The following PARVA variants were observed in gnomAD, a reference collection of about 807,000 sequenced individuals.
The protein encoded by PARVA is alpha-parvin.
Under a neutral mutation model 52.6 loss-of-function variants are expected in PARVA, and 25 were observed. The ratio of observed to expected loss-of-function variants is 0.48; its 90% CI spans 0.35 to 0.66. The LOEUF is 0.66. Among genes scored for constraint, PARVA ranks in the 30% least tolerant of loss-of-function variants. The pLI is 0.01. For missense variants in PARVA, 373 were observed against 450.9 expected (o/e 0.83, Z 1.56); for synonymous variants, 185 against 179.1 (o/e 1.03, Z -0.26).
At chr11:12,516,385 A>C (rs1351152264) in intron 10 of PARVA, among the ~76,000 whole-genome samples, 1 of 152,114 alleles carries the variant, frequency 6.6e-6, no homozygotes, top group Non-Finnish European at 1.5e-5. Flanking sequence ...TGTCTTTGCT[A>C]GGCCATCCCC....
In PARVA at chr11:12,382,050, C is replaced by T. The variant is rs564992123; in HGVS notation, c.136+4267C>T. ...ATTTACTGGAGAGATGAACTGTTCA[C>T]GTGGAGATGATTAGCGTCACAAGGT... is the stretch of plus-strand genomic sequence containing the variant. On this transcript the variant is annotated intron_variant, in intron 1 of 12. Coordinates refer to ENST00000334956, the MANE Select transcript of PARVA (RefSeq NM_018222.5). 2.9e-4 allele frequency among the ~76,000 whole-genome samples: 44 copies of T among 152,324 alleles called. 1 individual carries two copies. The highest frequency in any genetic ancestry group is 3.9e-4 in the Admixed American group (6 of 15,302).
intron 4 of PARVA, chr11:12,478,433 AG>A: frequency 4.0e-6 from 1 of 251,926 alleles, no homozygotes; most frequent in Non-Finnish European, 7.8e-6. Flanking sequence ...TGAAAATGTA[AG>A]GACAATGGGG....
chr11:12,390,351 G>A (rs1423750100), intron 1 of PARVA, among the ~76,000 whole-genome samples: 1 of 152,196 alleles, frequency 6.6e-6, no homozygotes, highest in Non-Finnish European at 1.5e-5. Flanking sequence ...TAATCACCAT[G>A]TTTAGGAAGC....
chr11:12,384,332 T>C (rs909359429), intron 1 of PARVA, among the ~76,000 whole-genome samples: 2 of 152,188 alleles, frequency 1.3e-5, no homozygotes, highest in African/African-American at 2.4e-5. Context: ...TCTGATCCAT[T>C]ATTTCCATTC....
chr11:12,376,770 A>G, upstream of PARVA: 1 of 968,638 alleles, frequency 1.0e-6, no homozygotes, highest in East Asian at 1.1e-4. Context: ...AATCATTTCC[A>G]GTATGAGTCC....
intron 1 of PARVA, chr11:12,398,269 T>C (rs1389288127): frequency 6.6e-6 from 1 of 151,992 alleles, no homozygotes; most frequent in African/African-American, 2.4e-5. Context: ...TCCTTGGGAC[T>C]TAGATCACTC....
chr11:12,491,406 A>C (rs10831836), intron 4 of PARVA, among the ~76,000 whole-genome samples: 52,486 of 152,136 alleles, frequency 0.34, 10,853 homozygotes, highest in East Asian at 0.55. Flanking sequence ...GGCCTCAAGC[A>C]GTCCTCCTGC....
rs546598332 is a variant in PARVA, at chr11:12,498,396, GT to G, written c.541+1801del. 4.5e-4 allele frequency among the ~76,000 whole-genome samples: 69 copies of G among 152,224 alleles called. No homozygotes were observed. The South Asian group carries it at 0.013, about 29-fold the overall frequency. ...TGTCTCCAGTGGCTTTGAATGATTT[GT>G]TTGGTTTATGCTTACTTTAATTTCT... On this transcript the variant is annotated intron_variant, in intron 5 of 12. Coordinates refer to ENST00000334956, the MANE Select transcript of PARVA (RefSeq NM_018222.5).
rs1941037201 is a variant in PARVA, at chr11:12,477,950, G to A, written c.400+1G>A. Reference sequence around the variant, plus strand: ...GGACAAGTCCTGCAGAAGCTTTTCGGTAGGAGAGTTGAGTGCTGCAATGGA... The same window carrying A: ...GGACAAGTCCTGCAGAAGCTTTTCGATAGGAGAGTTGAGTGCTGCAATGGA... On this transcript the variant is annotated splice_donor_variant, in intron 4 of 12. Coordinates refer to ENST00000334956, the MANE Select transcript of PARVA (RefSeq NM_018222.5). LOFTEE classifies it high-confidence loss of function. 2 of 1,553,718 alleles carry A rather than the reference G, an allele frequency of 1.3e-6. No individual in the cohort carries two copies. Among genetic ancestry groups the A allele is most frequent in the Non-Finnish European group, 1.8e-6 (2 of 1,124,972 alleles).
chr11:12,394,101 A>G (rs932223730), intron 1 of PARVA, among the ~76,000 whole-genome samples: 7 of 152,170 alleles, frequency 4.6e-5, no homozygotes, highest in Non-Finnish European at 8.8e-5. Flanking sequence ...ACAAAACCCT[A>G]TGGGATAGGG....
chr11:12,446,802 G>A (rs1940553908), intron 1 of PARVA, among the ~76,000 whole-genome samples: 1 of 152,152 alleles, frequency 6.6e-6, no homozygotes, highest in African/African-American at 2.4e-5. Context: ...TGTATTCTGT[G>A]GTTTCTGGCC....
At chr11:12,485,959 C>T (rs936463878) in intron 4 of PARVA, among the ~76,000 whole-genome samples, 1 of 152,142 alleles carries the variant, frequency 6.6e-6, no homozygotes, top group African/African-American at 2.4e-5. Context: ...AAAACCATCA[C>T]AGAACAGAGG....
intron 1 of PARVA, among the ~76,000 whole-genome samples, chr11:12,431,663 A>G (rs979681087): frequency 2.6e-5 from 4 of 152,204 alleles, no homozygotes; most frequent in Non-Finnish European, 4.4e-5. Context: ...CTAACCATCT[A>G]TTGGACCATC....
chr11:12,519,695 G>A (rs1328839330), intron 12 of PARVA, among the ~76,000 whole-genome samples: 2 of 152,106 alleles, frequency 1.3e-5, no homozygotes, highest in African/African-American at 2.4e-5. Flanking sequence ...AAGTCCCCCC[G>A]GGGAAGAATG....
chr11:12,449,989 G>T (rs937987119), intron 1 of PARVA, among the ~76,000 whole-genome samples: 1 of 152,152 alleles, frequency 6.6e-6, no homozygotes, highest in Non-Finnish European at 1.5e-5. Flanking sequence ...CCATGTGCCA[G>T]GTATTGTTCC....
intron 1 of PARVA, among the ~76,000 whole-genome samples, chr11:12,388,336 G>A (rs1317233139): frequency 6.6e-6 from 1 of 152,252 alleles, no homozygotes; most frequent in East Asian, 1.9e-4. Context: ...CTGTTTGCTT[G>A]GAACAGGCCA....
At chr11:12,475,431 C>T (rs1940998965) in intron 3 of PARVA, among the ~76,000 whole-genome samples, 1 of 152,174 alleles carries the variant, frequency 6.6e-6, no homozygotes, top group African/African-American at 2.4e-5. Flanking sequence ...TGGTGAGCTT[C>T]TTGGGGTTAG....
chr11:12,460,199 A>G (rs1452971980), intron 1 of PARVA, among the ~76,000 whole-genome samples: 2 of 152,208 alleles, frequency 1.3e-5, no homozygotes, highest in Non-Finnish European at 2.9e-5. Flanking sequence ...ATTTTCGTAT[A>G]GAAAGCAAAT....
Position 12,507,264 on chromosome 11 carries a change from C to T in PARVA, c.658-1320C>T, listed in dbSNP as rs144304692. ...AGTTCAGAGGCTCCTTCCTTCTTCA[C>T]GCTCATCTCAGCCTTGGGGAAGATG... On this transcript the variant is annotated intron_variant, in intron 6 of 12. Transcript: ENST00000334956. 5.6e-3 allele frequency among the ~76,000 whole-genome samples: 851 copies of T among 152,296 alleles called. 11 individuals carry two copies. The highest frequency in any genetic ancestry group is 0.012 in the South Asian group (60 of 4,826).
Sources: allele counts gnomAD v4.1 joint callset (sites outside exome capture counted in the v4.1 genomes callset), GRCh38; gene constraint gnomAD v4.1.1; transcripts MANE v1.5; gene names NCBI Gene and HGNC (gene_info 2026-07-23, HGNC 2026-07-21).